ZGRF1: variants seen among roughly 807,000 people sequenced by gnomAD.
The protein encoded by ZGRF1 is zinc finger GRF-type containing 1, also known as 5'-3' DNA helicase ZGRF1.
In ZGRF1, 196 loss-of-function variants were observed where a neutral mutation model predicts 203.5. The observed-to-expected ratio is 0.96, with a 90% confidence interval of 0.86 to 1.08. ZGRF1 has a LOEUF of 1.08. Among genes scored for constraint, ZGRF1 ranks in the 50% least tolerant of loss-of-function variants. The pLI is 0.00. For missense variants in ZGRF1, 2,326 were observed against 2,416.3 expected, an observed-to-expected ratio of 0.96 and a Z score of 0.78; for synonymous variants, 809 against 841.3, an observed-to-expected ratio of 0.96 and a Z score of 0.66.
intron 4 of ZGRF1, among the ~76,000 whole-genome samples, chr4:112,622,520 G>GA (rs5861105): frequency 0.069 from 5,136 of 74,960 alleles, 256 homozygotes; most frequent in Non-Finnish European, 0.084. Flanking sequence ...ACTCCATCTC[G>GA]AAAAAAAAAA....
At chr4:112,620,283 T>A in intron 4 of ZGRF1, 93 bp from the exon 5 acceptor site, 1 of 822,912 alleles carries the variant, frequency 1.2e-6, no homozygotes, top group South Asian at 2.2e-5. Flanking sequence ...CAATGGGTGT[T>A]CAATAAATAG....
At chr4:112,559,908 C>T (rs534486718) in intron 19 of ZGRF1, among the ~76,000 whole-genome samples, 2 of 152,194 alleles carry the variant, frequency 1.3e-5, no homozygotes, top group South Asian at 4.1e-4. Flanking sequence ...GGAGAAGAGA[C>T]ACTCAATATG....
chr4:112,560,930 G>T lies in ZGRF1; in HGVS notation c.4763C>A (p.Thr1588Lys), dbSNP rs750182538. 1 of 1,612,296 alleles carries T rather than the reference G, an allele frequency of 6.2e-7. No homozygotes were observed. The highest frequency in any genetic ancestry group is 8.5e-7 in the Non-Finnish European group (1 of 1,178,754). Residue 1588 changes from threonine to lysine, a missense_variant, in exon 19 of 28, where the codon ACA (threonine) becomes AAA (lysine). By Grantham distance (78) the Thr-to-Lys change is moderately conservative (BLOSUM62 -1). Coordinates refer to ENST00000505019, the MANE Select transcript of ZGRF1 (RefSeq NM_018392.5). ...SKRKFIPPAF[T>K]NVSTKFELLS... ...TAGTTCAAATTTTGTACTGACATTT[G>T]TGAAGGCTGGTGGGATAAATTTTCT...
intron 16 of ZGRF1, among the ~76,000 whole-genome samples, chr4:112,575,354 G>A (rs778949520): frequency 4.6e-5 from 7 of 152,178 alleles, no homozygotes; most frequent in Non-Finnish European, 1.0e-4. Context: ...CGTGAGCAAT[G>A]CAGAAGACGG....
chr4:112,567,140 T>C (rs1474433122), intron 16 of ZGRF1, among the ~76,000 whole-genome samples: 1 of 152,118 alleles, frequency 6.6e-6, no homozygotes, highest in Non-Finnish European at 1.5e-5. Flanking sequence ...GACTTCACTT[T>C]AGGGATTGTT....
chr4:112,624,907 T>C (rs771408275), intron 3 of ZGRF1, among the ~76,000 whole-genome samples: 27 of 152,172 alleles, frequency 1.8e-4, no homozygotes, highest in Non-Finnish European at 7.4e-5. Context: ...TTAATGCTCA[T>C]AGCAGCATTA....
chr4:112,602,460 T>C (rs1750130660), intron 10 of ZGRF1, among the ~76,000 whole-genome samples: 1 of 152,214 alleles, frequency 6.6e-6, no homozygotes, highest in African/African-American at 2.4e-5. Flanking sequence ...AAAACCACTT[T>C]GGAAATCAGT....
intron 6 of ZGRF1, among the ~76,000 whole-genome samples, chr4:112,613,934 T>C (rs2046779702): frequency 6.6e-6 from 1 of 152,238 alleles, no homozygotes; most frequent in Non-Finnish European, 1.5e-5. Flanking sequence ...ATTGTTTTCC[T>C]GCTAAAATTC....
rs1474483353 is a variant in ZGRF1, at chr4:112,560,778, C to T, written c.4915G>A (p.Val1639Met). The change falls in exon 19 of 28, where the codon GTG (valine) becomes ATG (methionine). Residue 1639 changes from valine (V) to methionine (M), a missense_variant. Transcript: ENST00000505019. ...MMASHESIEE[V>M]KELQTHTFPI... is the part of the protein sequence containing the mutation. ...AAGGTATGAGTTTGCAGTTCCTTCACTTCTTCAATGCTTTCATGTGATGCC... is the reference window on the plus strand; with the variant it reads ...AAGGTATGAGTTTGCAGTTCCTTCATTTCTTCAATGCTTTCATGTGATGCC... The T allele has an allele frequency of 1.2e-6, 2 of 1,601,764 alleles. No homozygotes were observed. Among genetic ancestry groups the T allele is most frequent in the East Asian group, 2.2e-5 (1 of 44,512 alleles).
chr4:112,554,842 T>C (rs577800943), intron 20 of ZGRF1, 60 bp from the exon 21 acceptor site: 2 of 888,220 alleles, frequency 2.3e-6, no homozygotes, highest in Non-Finnish European at 3.5e-6. Context: ...TAAAGTTTCA[T>C]ATAATAACTG....
At chr4:112,549,349 T>C (rs1739447925) in intron 22 of ZGRF1, among the ~76,000 whole-genome samples, 1 of 152,234 alleles carries the variant, frequency 6.6e-6, no homozygotes, top group Non-Finnish European at 1.5e-5. Context: ...TAGCCCGCTA[T>C]CTATACACAC....
chr4:112,628,396 G>C (rs1215496687), intron 3 of ZGRF1, among the ~76,000 whole-genome samples: 4 of 152,140 alleles, frequency 2.6e-5, no homozygotes, highest in Non-Finnish European at 4.4e-5. Context: ...AGGTCTACTT[G>C]ACATTTGATG....
chr4:112,568,626 G>A (rs1028839639), intron 16 of ZGRF1, among the ~76,000 whole-genome samples: 23 of 148,718 alleles, frequency 1.5e-4, no homozygotes, highest in African/African-American at 5.4e-4. Context: ...CAGCAGAACC[G>A]CTTGAACCCG....
chr4:112,554,917 C>T, intron 20 of ZGRF1, 135 bp from the exon 21 acceptor site: 1 of 474,324 alleles, frequency 2.1e-6, no homozygotes, highest in Non-Finnish European at 3.6e-6. Flanking sequence ...AATACCTAAA[C>T]TCAAACAAAG....
intron 4 of ZGRF1, among the ~76,000 whole-genome samples, chr4:112,622,742 T>C (rs1361791812): frequency 6.6e-6 from 1 of 152,104 alleles, no homozygotes; most frequent in African/African-American, 2.4e-5. Flanking sequence ...TTCACTAAAA[T>C]ATGCCTTTAG....
At position 112,603,810 on chromosome 4, in the gene ZGRF1, T is replaced by C; in HGVS notation, c.2803-113A>G. ...ATTCAGCTTTTTATTACAGGAACTA[T>C]TGTAAATACCAGGAACTAATGCTGA... On this transcript the variant is annotated intron_variant, in intron 9 of 27. Coordinates refer to ENST00000505019, the MANE Select transcript of ZGRF1 (RefSeq NM_018392.5). The C allele has an allele frequency of 4.3e-6, 3 of 695,776 alleles. No homozygotes were observed. In the South Asian group the frequency reaches 8.8e-5, roughly 20 times the overall value. The allele number at this position is 695,776 out of a possible 1,614,324, so 43.1% of individuals were successfully genotyped here. A position where few individuals can be genotyped will look rare whatever the true frequency, so the allele number is the denominator to read the frequency against.
chr4:112,595,120 T>C (rs1056205985), intron 10 of ZGRF1, among the ~76,000 whole-genome samples: 1 of 152,146 alleles, frequency 6.6e-6, no homozygotes, highest in African/African-American at 2.4e-5. Flanking sequence ...TTTTACATTT[T>C]AATGTCTTTG....
chr4:112,591,595 C>G (rs1033463436), intron 10 of ZGRF1, among the ~76,000 whole-genome samples: 3 of 152,144 alleles, frequency 2.0e-5, no homozygotes, highest in African/African-American at 4.8e-5. Context: ...CACCCTCCCC[C>G]TCACTCACTC....
intron 10 of ZGRF1, 53 bp downstream of exon 10, chr4:112,603,471 T>C: frequency 7.8e-7 from 1 of 1,281,748 alleles, no homozygotes; most frequent in East Asian, 2.3e-5. Flanking sequence ...CAAAATGTAG[T>C]ATTAACATAA....
Sources: allele counts gnomAD v4.1 joint callset (sites outside exome capture counted in the v4.1 genomes callset), GRCh38; gene constraint gnomAD v4.1.1; transcripts MANE v1.5; gene names NCBI Gene and HGNC (gene_info 2026-07-23, HGNC 2026-07-21).